The following MICAL2 variants were observed in gnomAD, a reference collection of about 807,000 sequenced individuals.
The protein encoded by MICAL2 is microtubule associated monooxygenase, calponin and LIM domain containing 2.
MICAL2 carries 77 observed loss-of-function variants against 127.3 expected under a neutral mutation model. The ratio of observed to expected loss-of-function variants is 0.60; its 90% CI spans 0.50 to 0.73. MICAL2 has a LOEUF of 0.73. Among genes scored for constraint, MICAL2 ranks in the 30% least tolerant of loss-of-function variants. The probability of loss-of-function intolerance (pLI) is 0.00; values close to 1 mark genes in which losing one functional copy is unlikely to be tolerated. For missense variants in MICAL2, 1,351 were observed against 1,434.4 expected, an observed-to-expected ratio of 0.94 and a Z score of 0.94; for synonymous variants, 570 against 551.1, an observed-to-expected ratio of 1.03 and a Z score of -0.48.
Position 12,120,127 on chromosome 11 carries a change from T to C in MICAL2, c.-149+9401T>C, listed in dbSNP as rs550806674. Among the ~76,000 whole-genome samples, 134 of 152,286 alleles carry C rather than the reference T, an allele frequency of 8.8e-4. 1 individual carries two copies. The highest frequency in any genetic ancestry group is 3.0e-3 in the African/African-American group (125 of 41,554). The stretch of plus-strand genomic sequence containing the variant: ...CTGGCTGGTCTCAGTCCCAAGATCT[T>C]TTCTTATCATGAACACCTCCCCCAG... On this transcript the variant is annotated intron_variant, in intron 1 of 27. Transcript: ENST00000683283.
chr11:12,256,738 G>T, intron 23 of MICAL2, 47 bp from the exon 24 acceptor site: 2 of 1,512,802 alleles, frequency 1.3e-6, no homozygotes, highest in African/African-American at 1.4e-5. Flanking sequence ...GCATTTGAAG[G>T]CTCGGGATAA....
At chr11:12,256,594 C>G in intron 23 of MICAL2, 191 bp from the exon 24 acceptor site, 1 of 539,422 alleles carries the variant, frequency 1.9e-6, no homozygotes, top group East Asian at 3.2e-5. Flanking sequence ...TTAACAGAAG[C>G]CCCTGCAGGG....
chr11:12,179,569 C>T (rs988008462), intron 3 of MICAL2, among the ~76,000 whole-genome samples: 1 of 152,194 alleles, frequency 6.6e-6, no homozygotes, highest in Non-Finnish European at 1.5e-5. Context: ...CCTGCCTGTC[C>T]TCCCGATCCA....
At chr11:12,194,960 T>A (rs1391264733) in intron 3 of MICAL2, among the ~76,000 whole-genome samples, 1 of 152,246 alleles carries the variant, frequency 6.6e-6, no homozygotes, top group African/African-American at 2.4e-5. Context: ...TCATTTTATA[T>A]ACATTTTACC....
At chr11:12,337,347 ATTC>A (rs1938784854) in intron 32 of MICAL2, among the ~76,000 whole-genome samples, 1 of 151,298 alleles carries the variant, frequency 6.6e-6, no homozygotes, top group African/African-American at 2.4e-5. Context: ...TCTCTCTTTT[ATTC>A]TTTATTAGTC....
chr11:12,125,990 C>T (rs1358804671), intron 1 of MICAL2, among the ~76,000 whole-genome samples: 1 of 152,182 alleles, frequency 6.6e-6, no homozygotes, highest in African/African-American at 2.4e-5. Flanking sequence ...CTCCTACCCA[C>T]CTGGGCCTCA....
chr11:12,213,516 C>T, intron 7 of MICAL2, 106 bp downstream of exon 7: 2 of 1,160,332 alleles, frequency 1.7e-6, no homozygotes, highest in Non-Finnish European at 2.4e-6. Flanking sequence ...CCTCGAGGGA[C>T]TCACTCTGAT....
At chr11:12,303,738 T>C (rs2134809255) in intron 29 of MICAL2, 1 of 152,358 alleles carries the variant, frequency 6.6e-6, no homozygotes, top group East Asian at 1.9e-4. Flanking sequence ...CCTTTTGTCA[T>C]TGATTTGTAA....
chr11:12,135,053 A>G (rs1851730155), intron 1 of MICAL2, among the ~76,000 whole-genome samples: 1 of 152,078 alleles, frequency 6.6e-6, no homozygotes, highest in African/African-American at 2.4e-5. Flanking sequence ...GAGTTTTCAG[A>G]TTGGAATTTG....
chr11:12,302,288 T>A (rs902024141), intron 29 of MICAL2, among the ~76,000 whole-genome samples: 1 of 152,218 alleles, frequency 6.6e-6, no homozygotes, highest in Non-Finnish European at 1.5e-5. Flanking sequence ...GGGGTGGAAT[T>A]GCTAGGTCAT....
intron 4 of MICAL2, 126 bp downstream of exon 4, chr11:12,204,583 T>A: frequency 3.3e-6 from 3 of 909,938 alleles, no homozygotes; most frequent in South Asian, 1.7e-5. Flanking sequence ...TATATCAGAC[T>A]AACAGACAAC....
chr11:12,204,948 T>A (rs1259024577), intron 4 of MICAL2, among the ~76,000 whole-genome samples: 1 of 151,708 alleles, frequency 6.6e-6, no homozygotes, highest in Non-Finnish European at 1.5e-5. Context: ...TACAAAGGAG[T>A]TTGGACATTG....
chr11:12,225,548 C>G (rs1033628051), intron 13 of MICAL2: 2 of 152,340 alleles, frequency 1.3e-5, no homozygotes, highest in African/African-American at 4.8e-5. Flanking sequence ...AGTGCAGTGA[C>G]GCAATCTCAG....
intron 6 of MICAL2, 94 bp downstream of exon 6, chr11:12,209,692 G>A: frequency 8.9e-7 from 1 of 1,120,896 alleles, no homozygotes; most frequent in Middle Eastern, 2.7e-4. Flanking sequence ...AGATGCAGAT[G>A]CCAGAGCTGG....
chr11:12,225,307 G>A (rs1339275379), intron 13 of MICAL2, among the ~76,000 whole-genome samples: 2 of 152,208 alleles, frequency 1.3e-5, no homozygotes, highest in Non-Finnish European at 2.9e-5. Context: ...CAGGGTCATT[G>A]GGGAGATCAG....
At chr11:12,123,505 T>G (rs1850675592) in intron 1 of MICAL2, among the ~76,000 whole-genome samples, 1 of 152,304 alleles carries the variant, frequency 6.6e-6, no homozygotes, top group South Asian at 2.1e-4. Flanking sequence ...AGGACTCACA[T>G]TCCTTCCTTA....
intron 4 of MICAL2, among the ~76,000 whole-genome samples, chr11:12,206,473 G>A (rs527278671): frequency 1.4e-4 from 22 of 152,280 alleles, no homozygotes; most frequent in African/African-American, 4.8e-4. Context: ...TGCTGGAACC[G>A]TACTGAGTAG....
At chr11:12,306,863 T>A (rs1466518590) in intron 29 of MICAL2, among the ~76,000 whole-genome samples, 5 of 152,232 alleles carry the variant, frequency 3.3e-5, no homozygotes, top group Non-Finnish European at 7.3e-5. Flanking sequence ...CATTTACCAG[T>A]TGATAGACAT....
At chr11:12,256,689 C>A in intron 23 of MICAL2, 96 bp from the exon 24 acceptor site, 3 of 1,207,462 alleles carry the variant, frequency 2.5e-6, no homozygotes, top group Non-Finnish European at 3.4e-6. Context: ...CCACGAGGTC[C>A]CCAGCATTCA....
Sources: allele counts gnomAD v4.1 joint callset (sites outside exome capture counted in the v4.1 genomes callset), GRCh38; gene constraint gnomAD v4.1.1; transcripts MANE v1.5; gene names NCBI Gene and HGNC (gene_info 2026-07-23, HGNC 2026-07-21).